LEPR: variants seen among roughly 807,000 people sequenced by gnomAD.
The protein encoded by LEPR is leptin receptor, also known as OB receptor.
In LEPR, 56 loss-of-function variants were observed where a neutral mutation model predicts 114.7. The observed-to-expected ratio is 0.49, with a 90% confidence interval of 0.39 to 0.61. The LOEUF (loss-of-function observed/expected upper bound fraction) is 0.61, where lower values mean the gene tolerates loss of function less well. LEPR is among the 20% of genes least tolerant of loss of function. The pLI is 0.00. For missense variants in LEPR, 1,202 were observed against 1,352.9 expected (o/e 0.89, Z 1.75); for synonymous variants, 443 against 461.4 (o/e 0.96, Z 0.51).
At chr1:65,439,404 T>C (rs1467701241) in intron 2 of LEPR, among the ~76,000 whole-genome samples, 2 of 152,174 alleles carry the variant, frequency 1.3e-5, no homozygotes, top group African/African-American at 2.4e-5. Flanking sequence ...TGATTTTTGA[T>C]GTTAAGGAAA....
At chr1:65,619,366 A>G (rs779839575) in intron 16 of LEPR, among the ~76,000 whole-genome samples, 15 of 152,088 alleles carry the variant, frequency 9.9e-5, no homozygotes, top group Admixed American at 7.2e-4. Context: ...GAAAATCATG[A>G]TGGATCCATC....
At chr1:65,608,512 T>C (rs1443521328) in intron 11 of LEPR, among the ~76,000 whole-genome samples, 1 of 152,186 alleles carries the variant, frequency 6.6e-6, no homozygotes, top group African/African-American at 2.4e-5. Flanking sequence ...CTACTAGCTT[T>C]CAGAGTAACA....
In LEPR at chr1:65,566,446, C is replaced by T. The variant is rs570952937; in HGVS notation, c.40+841C>T. On this transcript the variant is annotated intron_variant, in intron 3 of 19. Transcript: ENST00000349533. ...CAATCTCTTGACCTCGTGATCTGCC[C>T]GCCTCGGCCTCCCAAAGTGCTGGGA... Among the ~76,000 whole-genome samples, 9 of 152,188 alleles carry T rather than the reference C, an allele frequency of 5.9e-5. No homozygotes were observed. In the East Asian group the frequency reaches 9.6e-4, roughly 16 times the overall value.
chr1:65,549,224 C>G (rs1434299285), intron 2 of LEPR, among the ~76,000 whole-genome samples: 2 of 151,664 alleles, frequency 1.3e-5, no homozygotes, highest in Admixed American at 1.3e-4. Context: ...CGACCTTTCT[C>G]TCTGGCTGCC....
At chr1:65,487,959 TTCTC>T (rs377719332) in intron 2 of LEPR, among the ~76,000 whole-genome samples, 4 of 151,530 alleles carry the variant, frequency 2.6e-5, no homozygotes, top group South Asian at 2.1e-4. Context: ...CTTCCTTTCT[TTCTC>T]TCTTTCTTTC....
intron 2 of LEPR, among the ~76,000 whole-genome samples, chr1:65,564,477 G>A (rs924950418): frequency 5.5e-5 from 8 of 144,146 alleles, no homozygotes; most frequent in Non-Finnish European, 7.7e-5. Context: ...AGATGAACCC[G>A]GTACCTCAGA....
At chr1:65,431,821 G>A (rs1366940760) in intron 2 of LEPR, 9 of 1,613,412 alleles carry the variant, frequency 5.6e-6, no homozygotes, top group African/African-American at 4.0e-5. Context: ...GGGAGCCTGC[G>A]GCCTTGTGTT....
chr1:65,592,693 A>G lies in LEPR; in HGVS notation c.531A>G (p.Gln177=), dbSNP rs758719182. 24 of 1,613,130 alleles carry G rather than the reference A, an allele frequency of 1.5e-5. No homozygotes were observed. The highest frequency in any genetic ancestry group is 2.2e-5 in the East Asian group (1 of 44,864). The change falls in exon 6 of 20, where the codon CAA becomes CAG. Residue 177 remains glutamine, a synonymous_variant. Transcript: ENST00000349533. Reference sequence around the variant, plus strand: ...TAGAAGATTCACCTCTGGTTCCCCAAAAAGGCAGTTTTCAGATGGTTCACT... The same window carrying G: ...TAGAAGATTCACCTCTGGTTCCCCAGAAAGGCAGTTTTCAGATGGTTCACT... ...EVLEDSPLVP[Q]KGSFQMVHCN...
At chr1:65,532,288 A>C (rs1295872544) in intron 2 of LEPR, among the ~76,000 whole-genome samples, 1 of 152,220 alleles carries the variant, frequency 6.6e-6, no homozygotes, top group Non-Finnish European at 1.5e-5. Context: ...AAACTCCATC[A>C]TTCTGTAACT....
chr1:65,438,044 C>T (rs940341810), intron 2 of LEPR, among the ~76,000 whole-genome samples: 2 of 149,422 alleles, frequency 1.3e-5, no homozygotes, highest in Non-Finnish European at 3.0e-5. Flanking sequence ...TGGCCTCAAG[C>T]AATCTTCTTG....
Position 65,468,541 on chromosome 1 carries a change from G to A in LEPR, c.-21+43163G>A, listed in dbSNP as rs150954138. Among the ~76,000 whole-genome samples the A allele has an allele frequency of 1.8e-4, 28 of 152,330 alleles. 1 individual carries two copies. The East Asian group carries it at 4.4e-3, about 24-fold the overall frequency. Reference sequence around the variant, plus strand: ...TTGTTTTGTAACCTTGGAAAAAAGAGAGTTGAGGCAAAATCCACAGAGGAC... The same window carrying A: ...TTGTTTTGTAACCTTGGAAAAAAGAAAGTTGAGGCAAAATCCACAGAGGAC... On this transcript the variant is annotated intron_variant, in intron 2 of 19. Transcript: ENST00000349533.
intron 2 of LEPR, among the ~76,000 whole-genome samples, chr1:65,437,159 C>T (rs375654665): frequency 4.0e-4 from 61 of 152,262 alleles, no homozygotes; most frequent in African/African-American, 1.4e-3. Flanking sequence ...AGGTTTTAAT[C>T]GGATTCCTGA....
intron 2 of LEPR, among the ~76,000 whole-genome samples, chr1:65,475,645 T>C (rs547861337): frequency 1.3e-5 from 2 of 152,316 alleles, no homozygotes; most frequent in Admixed American, 1.3e-4. Flanking sequence ...TTGTGTTTCA[T>C]AACTGACACA....
Position 65,640,386 on chromosome 1 carries a change from T to C in LEPR, c.*3371T>C, listed in dbSNP as rs985154647. 3.3e-5 allele frequency: 5 copies of C among 152,256 alleles called. No homozygotes were observed. The highest frequency in any genetic ancestry group is 6.5e-5 in the Admixed American group (1 of 15,292). The allele number at this position is 152,256 out of a possible 1,614,324, so 9.4% of individuals were successfully genotyped here. On this transcript the variant is annotated 3_prime_UTR_variant, in exon 20 of 20. Transcript: ENST00000349533. ...ACTTTTCATCTTTCAAGGGTCATCT[T>C]GATAGTTACCTTAACAAACCTTTCT...
At chr1:65,601,341 A>G in intron 8 of LEPR, 51 bp from the exon 9 acceptor site, 1 of 1,593,992 alleles carries the variant, frequency 6.3e-7, no homozygotes, top group Admixed American at 1.7e-5. Context: ...GGTACAAATT[A>G]CTTACAGAAT....
intron 2 of LEPR, among the ~76,000 whole-genome samples, chr1:65,546,536 C>T (rs952526285): frequency 6.6e-6 from 1 of 152,058 alleles, no homozygotes; most frequent in Non-Finnish European, 1.5e-5. Flanking sequence ...CCCTTGTAAG[C>T]TGGATTCCTA....
chr1:65,518,891 T>TTC (rs1338675990), intron 2 of LEPR, among the ~76,000 whole-genome samples: 1 of 85,490 alleles, frequency 1.2e-5, no homozygotes, highest in Non-Finnish European at 2.8e-5. Context: ...CTTTCTTTCT[T>TTC]TCTTTCTTTC....
chr1:65,426,248 T>C (rs1442582536), intron 2 of LEPR, among the ~76,000 whole-genome samples: 1 of 134,148 alleles, frequency 7.5e-6, no homozygotes, highest in Non-Finnish European at 1.5e-5. Flanking sequence ...TGAAAGTGTA[T>C]ATAGCCTTTT....
intron 2 of LEPR, among the ~76,000 whole-genome samples, chr1:65,425,947 TA>T (rs1646354095): frequency 6.6e-6 from 1 of 152,164 alleles, no homozygotes; most frequent in African/African-American, 2.4e-5. Context: ...CAGCTACTGT[TA>T]TGGGAACTAG....
Sources: gnomAD v4.1 joint callset for allele counts (sites outside exome capture counted in the v4.1 genomes callset) on GRCh38, gnomAD v4.1.1 for gene constraint, MANE v1.5 for transcripts, NCBI Gene and HGNC (gene_info 2026-07-23, HGNC 2026-07-21) for gene names.